HEXB: variants seen among roughly 807,000 people sequenced by gnomAD.
HEXB encodes hexosaminidase subunit beta.
HEXB carries 51 observed loss-of-function variants against 71.2 expected under a neutral mutation model. The observed-to-expected ratio is 0.72, with a 90% CI of 0.57 to 0.90. The LOEUF is 0.90. Among genes scored for constraint, HEXB ranks in the 40% least tolerant of loss-of-function variants. The pLI is 0.00. For synonymous variants in HEXB, 266 were observed against 249.3 expected (o/e 1.07, Z -0.63); for missense variants, 617 against 677.0 (o/e 0.91, Z 0.98).
At chr5:74,658,016 G>C (rs1748252198) in intron 1 of HEXB, among the ~76,000 whole-genome samples, 1 of 152,184 alleles carries the variant, frequency 6.6e-6, no homozygotes, top group Admixed American at 6.5e-5. Context: ...GTTGATGGCA[G>C]GTCATCAGCT....
chr5:74,642,246 C>G (rs891672034), intron 1 of HEXB, among the ~76,000 whole-genome samples: 1 of 152,160 alleles, frequency 6.6e-6, no homozygotes, highest in East Asian at 1.9e-4. Context: ...GGCAGCCTCA[C>G]CACGAACCTT....
intron 1 of HEXB, among the ~76,000 whole-genome samples, chr5:74,647,980 G>T (rs1748032537): frequency 6.6e-6 from 1 of 152,210 alleles, no homozygotes; most frequent in African/African-American, 2.4e-5. Context: ...CATTTGGAAG[G>T]TATCTCCTTT....
rs78783744 is a variant in HEXB at position 74,657,008 on chromosome 5, G to A, written c.-377+16450G>A. On this transcript the variant is annotated intron_variant, in intron 1 of 13. Transcript: ENST00000511181. ...CCTCTGGATTCCATTGCTTTCCACA[G>A]TCACTCCATAACCTTTCTGATAGGA... 7.2e-5 allele frequency among the ~76,000 whole-genome samples: 11 copies of A among 152,226 alleles called. No homozygotes were observed. In the East Asian group the frequency reaches 2.1e-3, roughly 29 times the overall value.
intron 2 of HEXB, among the ~76,000 whole-genome samples, chr5:74,690,869 A>G (rs1748987819): frequency 6.6e-6 from 1 of 152,170 alleles, no homozygotes; most frequent in Non-Finnish European, 1.5e-5. Flanking sequence ...TAGAAGAGAA[A>G]TAGGAAAATT....
chr5:74,647,687 G>C (rs1420674853), intron 1 of HEXB, among the ~76,000 whole-genome samples: 1 of 152,204 alleles, frequency 6.6e-6, no homozygotes, highest in Non-Finnish European at 1.5e-5. Context: ...TGGAAGACTT[G>C]CAATTTCTTT....
At chr5:74,698,681 CGCCTG>C (rs1749177030) in intron 5 of HEXB, among the ~76,000 whole-genome samples, 1 of 151,970 alleles carries the variant, frequency 6.6e-6, no homozygotes, top group Admixed American at 6.6e-5. Context: ...TGAGCCACCA[CGCCTG>C]GCCTAAAAAT....
rs1300424001 is a variant in HEXB, at chr5:74,720,436, A to T, written c.1426A>T (p.Lys476Ter). 1 of 1,609,858 alleles carries T rather than the reference A, an allele frequency of 6.2e-7. No homozygotes were observed. Among genetic ancestry groups the T allele is most frequent in the Admixed American group, 1.7e-5 (1 of 60,022 alleles). ...VEPLDFGGTQKQKQLFIGGEA... is the reference protein window; with the variant it reads ...VEPLDFGGTQ ...CAATGATTTTAATTTAGGTACTCAGAAACAGAAACAACTTTTCATTGGTGG... is the reference window on the plus strand; with the variant it reads ...CAATGATTTTAATTTAGGTACTCAGTAACAGAAACAACTTTTCATTGGTGG... The change falls in exon 12 of 14, where the codon AAA becomes TAA. Residue 476 changes from lysine (K) to a stop codon, truncating the protein, a stop_gained. Transcript: ENST00000261416. LOFTEE classifies it high-confidence loss of function.
intron 1 of HEXB, among the ~76,000 whole-genome samples, chr5:74,671,918 A>G (rs1228659394): frequency 6.6e-6 from 1 of 152,166 alleles, no homozygotes; most frequent in African/African-American, 2.4e-5. Flanking sequence ...ATGCTAGGAA[A>G]GTATTCTCCT....
chr5:74,691,864 G>A (rs1749011150), intron 2 of HEXB, among the ~76,000 whole-genome samples: 2 of 152,186 alleles, frequency 1.3e-5, no homozygotes, highest in African/African-American at 4.8e-5. Flanking sequence ...TAACTGAAAA[G>A]TCAATGATAT....
intron 1 of HEXB, among the ~76,000 whole-genome samples, chr5:74,667,667 G>A (rs115601208): frequency 2.6e-5 from 4 of 152,194 alleles, no homozygotes; most frequent in African/African-American, 4.8e-5. Context: ...GGCTTGCTGG[G>A]TTTGCTTGTA....
At chr5:74,669,905 C>T (rs922093280) in intron 1 of HEXB, among the ~76,000 whole-genome samples, 13 of 152,148 alleles carry the variant, frequency 8.5e-5, no homozygotes, top group African/African-American at 2.7e-4. Flanking sequence ...CCAGGAGCCC[C>T]AGGTTAACAA....
chr5:74,669,888 A>G (rs140500273), intron 1 of HEXB, among the ~76,000 whole-genome samples: 2 of 152,334 alleles, frequency 1.3e-5, no homozygotes, highest in African/African-American at 4.8e-5. Context: ...GGCGATGCAG[A>G]GACAGGCCAG....
At chr5:74,716,437 C>T (rs139199671) in intron 8 of HEXB, 150 bp from the exon 9 acceptor site, 14 of 559,030 alleles carry the variant, frequency 2.5e-5, no homozygotes, top group Non-Finnish European at 4.2e-5. Flanking sequence ...ATTAAGATAA[C>T]TTGTAATTAA....
At chr5:74,689,898 T>C (rs945598815) in intron 2 of HEXB, 2 of 192,256 alleles carry the variant, frequency 1.0e-5, no homozygotes, top group African/African-American at 2.4e-5. Flanking sequence ...AAATTAAACA[T>C]GAATTTCACT....
chr5:74,649,824 T>A (rs1311922342), intron 1 of HEXB, among the ~76,000 whole-genome samples: 2 of 152,250 alleles, frequency 1.3e-5, no homozygotes, highest in African/African-American at 4.8e-5. Context: ...GATTGTTACA[T>A]CAGTTCACAA....
intron 6 of HEXB, among the ~76,000 whole-genome samples, chr5:74,707,708 A>G (rs1749433486): frequency 6.6e-6 from 1 of 152,294 alleles, no homozygotes; most frequent in East Asian, 1.9e-4. Context: ...GATGAAATGA[A>G]TGAAATGAAG....
At chr5:74,715,866 A>C (rs1051268366) in intron 8 of HEXB, among the ~76,000 whole-genome samples, 176 bp downstream of exon 8, 10 of 151,712 alleles carry the variant, frequency 6.6e-5, no homozygotes, top group Admixed American at 5.9e-4. Context: ...AAAATACAAA[A>C]ATTAGCTGGG....
At position 74,651,260 on chromosome 5, in the gene HEXB, G is replaced by T. The variant is rs546512816; in HGVS notation, c.-377+10702G>T. Among the ~76,000 whole-genome samples the T allele has an allele frequency of 2.0e-5, 3 of 152,298 alleles. No homozygotes were observed. In the South Asian group the frequency reaches 6.2e-4, roughly 32 times the overall value. ...ATGGTGGCATTTCAGCCTAAACATG[G>T]GTTCTCTTGGCCTCCATTAGACTAC... On this transcript the variant is annotated intron_variant, in intron 1 of 13. Coordinates refer to the HEXB transcript ENST00000511181.
intron 1 of HEXB, among the ~76,000 whole-genome samples, chr5:74,670,831 C>A (rs1427855548): frequency 2.0e-5 from 3 of 152,148 alleles, no homozygotes; most frequent in African/African-American, 7.2e-5. Flanking sequence ...AGAGCCTGCT[C>A]CTGTGCTGCT....
Sources: gnomAD v4.1 joint callset for allele counts (sites outside exome capture counted in the v4.1 genomes callset) on GRCh38, gnomAD v4.1.1 for gene constraint, MANE v1.5 for transcripts, NCBI Gene and HGNC (gene_info 2026-07-23, HGNC 2026-07-21) for gene names.